The following GREB1L variants were observed in gnomAD, a reference collection of about 807,000 sequenced individuals.
The protein encoded by GREB1L is GREB1-like protein.
In GREB1L, 17 loss-of-function variants were observed where a neutral mutation model predicts 200.8. The ratio of observed to expected loss-of-function variants is 0.08; its 90% CI spans 0.06 to 0.13. The LOEUF is 0.13. Ranked by LOEUF, GREB1L falls within the 10% of genes least tolerant of loss-of-function variation. The probability of loss-of-function intolerance (pLI) is 1.00; values close to 1 mark genes in which losing one functional copy is unlikely to be tolerated. For synonymous variants in GREB1L, 789 were observed against 893.0 expected, an observed-to-expected ratio of 0.88 and a Z score of 2.08; for missense variants, 1,657 against 2,367.7, an observed-to-expected ratio of 0.70 and a Z score of 6.23.
chr18:21,475,994 A>AAT (rs1205304098), intron 16 of GREB1L, among the ~76,000 whole-genome samples: 1 of 137,762 alleles, frequency 7.3e-6, no homozygotes, highest in Admixed American at 7.6e-5. Flanking sequence ...AAAAAAAAAA[A>AAT]AAAGAGTCAA....
chr18:21,371,528 C>T (rs1027439796), intron 2 of GREB1L, among the ~76,000 whole-genome samples: 2 of 150,410 alleles, frequency 1.3e-5, no homozygotes, highest in African/African-American at 2.5e-5. Context: ...TGGCTCATGC[C>T]TGTAATCCCA....
rs546090695 is a variant in GREB1L, at chr18:21,442,675, T to G, written c.1207+1138T>G. 6.6e-5 allele frequency among the ~76,000 whole-genome samples: 10 copies of G among 152,200 alleles called. 1 individual carries two copies. The East Asian group carries it at 1.9e-3, about 29-fold the overall frequency. ...CAATTTGAGACTGTTTACTGACATTTAGGAAGACAACCTCACAAAAATAGC... is the reference window on the plus strand; with the variant it reads ...CAATTTGAGACTGTTTACTGACATTGAGGAAGACAACCTCACAAAAATAGC... On this transcript the variant is annotated intron_variant, in intron 10 of 32. Coordinates refer to ENST00000424526, the MANE Select transcript of GREB1L (RefSeq NM_001142966.3).
intron 1 of GREB1L, among the ~76,000 whole-genome samples, chr18:21,326,551 TAA>T (rs2039025888): frequency 1.3e-5 from 2 of 152,212 alleles, no homozygotes; most frequent in African/African-American, 4.8e-5. Flanking sequence ...ATTCTTTTTA[TAA>T]AAGTGAACCT....
chr18:21,334,945 TTCTC>T (rs1348274090), intron 1 of GREB1L, among the ~76,000 whole-genome samples: 3 of 152,224 alleles, frequency 2.0e-5, no homozygotes, highest in Non-Finnish European at 4.4e-5. Context: ...CAGAAAATGT[TTCTC>T]TCTTTGTCTT....
At position 21,513,977 on chromosome 18, in the gene GREB1L, A is replaced by G; in HGVS notation, c.4892A>G (p.Glu1631Gly). 6.4e-7 allele frequency: 1 copy of G among 1,551,592 alleles called. No individual in the cohort carries two copies. Among genetic ancestry groups the G allele is most frequent in the Non-Finnish European group, 8.7e-7 (1 of 1,146,906 alleles). Reference protein sequence around the residue: ...CVLWNIHSVQEPSSQPMEVGV... With the variant: ...CVLWNIHSVQGPSSQPMEVGV... ...CTATGGAACATTCACAGTGTTCAGG[A>G]GCCATCCAGGTAGACTTCCAAGCTG... Residue 1631 changes from glutamate (E) to glycine (G), a missense_variant, in exon 28 of 33, where the codon GAG becomes GGG. Glu to Gly is a moderately conservative substitution (Grantham distance 98, BLOSUM62 -2). Coordinates refer to ENST00000424526, the MANE Select transcript of GREB1L (RefSeq NM_001142966.3).
rs768976885 is a variant in GREB1L at position 21,449,815 on chromosome 18, G to A, written c.1699G>A (p.Glu567Lys). The change falls in exon 12 of 33, where the codon GAA (glutamate) becomes AAA (lysine). Residue 567 changes from glutamate to lysine, a missense_variant. Coordinates refer to ENST00000424526, the MANE Select transcript of GREB1L (RefSeq NM_001142966.3). ...TTGTGCATCGAAAATCAGAGGAAAT[G>A]AATTTTGTGTGGTAGTGTTAGGTGA... Reference protein sequence around the residue: ...VICASKIRGNEFCVVVLGQHQ... With the variant: ...VICASKIRGNKFCVVVLGQHQ... 6 of 1,539,394 alleles carry A rather than the reference G, an allele frequency of 3.9e-6. No homozygotes were observed. Among genetic ancestry groups the A allele is most frequent in the Non-Finnish European group, 5.3e-6 (6 of 1,139,102 alleles).
At chr18:21,413,969 G>A (rs1840622523) in intron 7 of GREB1L, among the ~76,000 whole-genome samples, 1 of 152,180 alleles carries the variant, frequency 6.6e-6, no homozygotes, top group Admixed American at 6.5e-5. Context: ...GGCTGGTAAA[G>A]GTGAACAGTG....
At chr18:21,312,435 C>T (rs780850770) in intron 1 of GREB1L, among the ~76,000 whole-genome samples, 1 of 152,306 alleles carries the variant, frequency 6.6e-6, no homozygotes, top group East Asian at 1.9e-4. Context: ...GTAATTCACA[C>T]TCACACCAAC....
chr18:21,496,834 C>A, intron 21 of GREB1L, 136 bp downstream of exon 21: 1 of 918,236 alleles, frequency 1.1e-6, no homozygotes, highest in Non-Finnish European at 1.6e-6. Context: ...CCTCTCCAGA[C>A]CCAGCTCCAG....
intron 10 of GREB1L, 32 bp from the exon 11 acceptor site, chr18:21,444,192 T>G: frequency 6.8e-7 from 1 of 1,474,448 alleles, no homozygotes; most frequent in East Asian, 2.5e-5. Context: ...AAAGAAATGT[T>G]GAACTGTACT....
At chr18:21,327,269 C>T (rs920858723) in intron 1 of GREB1L, among the ~76,000 whole-genome samples, 32 of 152,220 alleles carry the variant, frequency 2.1e-4, no homozygotes, top group African/African-American at 7.5e-4. Context: ...GCAACACTCC[C>T]ATCCAAATTA....
chr18:21,344,034 C>A (rs1279672561), intron 1 of GREB1L, among the ~76,000 whole-genome samples: 3 of 152,278 alleles, frequency 2.0e-5, no homozygotes, highest in Non-Finnish European at 4.4e-5. Context: ...CTTAGTCCCC[C>A]AAAGTGTTAG....
intron 7 of GREB1L, among the ~76,000 whole-genome samples, chr18:21,433,938 C>T (rs2033342975): frequency 1.3e-5 from 2 of 152,088 alleles, no homozygotes; most frequent in African/African-American, 2.4e-5. Context: ...TTCTCTCTTC[C>T]ACAGCCTGTC....
At position 21,503,570 on chromosome 18, in the gene GREB1L, C is replaced by CATT. The variant is rs1179762209; in HGVS notation, c.4073-1823_4073-1821dup. ...TGCAACTGTCTTGGCACTTTATTAT[C>CATT]ATTATTATTATTATTATTATTTTTG... is the stretch of plus-strand genomic sequence containing the variant. On this transcript the variant is annotated intron_variant, in intron 23 of 32. Coordinates refer to ENST00000424526, the MANE Select transcript of GREB1L (RefSeq NM_001142966.3). Among the ~76,000 whole-genome samples the CATT allele has an allele frequency of 1.5e-3, 208 of 139,276 alleles. No individual in the cohort carries two copies. The Middle Eastern group carries it at 0.019, about 13-fold the overall frequency. 91.4% of individuals were successfully genotyped at this position (139,276 alleles called of 152,430 possible). A position where few individuals can be genotyped will look rare whatever the true frequency, so the allele number is the denominator to read the frequency against.
At chr18:21,309,878 T>C (rs1867252) in intron 1 of GREB1L, among the ~76,000 whole-genome samples, 22,478 of 151,864 alleles carry the variant, frequency 0.15, 3,576 homozygotes, top group African/African-American at 0.4. Context: ...AAAAACATCC[T>C]GCAATGCACA....
At chr18:21,359,965 A>T (rs754625520) in intron 1 of GREB1L, among the ~76,000 whole-genome samples, 4 of 152,118 alleles carry the variant, frequency 2.6e-5, no homozygotes, top group Non-Finnish European at 4.4e-5. Flanking sequence ...ATTTGGTAGG[A>T]GGGTTGTTTT....
chr18:21,521,231 C>T (rs1029353875), intron 32 of GREB1L, among the ~76,000 whole-genome samples: 1 of 151,518 alleles, frequency 6.6e-6, no homozygotes, highest in African/African-American at 2.4e-5. Context: ...CAAAATCAGC[C>T]GGGCGTGGTG....
chr18:21,491,458 C>A (rs1370121104), intron 19 of GREB1L, among the ~76,000 whole-genome samples: 2 of 152,042 alleles, frequency 1.3e-5, no homozygotes, highest in African/African-American at 4.8e-5. Flanking sequence ...GCCTGTAATC[C>A]CAGCACTTTG....
chr18:21,295,788 A>G (rs1282694374), intron 1 of GREB1L, among the ~76,000 whole-genome samples: 1 of 152,228 alleles, frequency 6.6e-6, no homozygotes, highest in African/African-American at 2.4e-5. Flanking sequence ...TATGTGGAAC[A>G]CAGGTAGGGA....
Sources: gnomAD v4.1 joint callset for allele counts (sites outside exome capture counted in the v4.1 genomes callset) on GRCh38, gnomAD v4.1.1 for gene constraint, MANE v1.5 for transcripts, NCBI Gene and HGNC (gene_info 2026-07-23, HGNC 2026-07-21) for gene names.